The following DNAH12 variants were observed in gnomAD, a reference collection of about 807,000 sequenced individuals.
The protein encoded by DNAH12 is dynein axonemal heavy chain 12.
A neutral mutation model predicts 371.5 loss-of-function variants in DNAH12; 285 were observed. The ratio of observed to expected loss-of-function variants is 0.77; its 90% CI spans 0.70 to 0.85. DNAH12 has a LOEUF of 0.85. Among genes scored for constraint, DNAH12 ranks in the 40% least tolerant of loss-of-function variants. The pLI, the probability that DNAH12 is intolerant of heterozygous loss-of-function variation, is 0.00. For synonymous variants in DNAH12, 1,200 were observed against 1,213.0 expected (o/e 0.99, Z 0.22); for missense variants, 3,611 against 3,689.4 (o/e 0.98, Z 0.55).
At chr3:57,488,224 G>A (rs377497239) in intron 12 of DNAH12, among the ~76,000 whole-genome samples, 10 of 152,004 alleles carry the variant, frequency 6.6e-5, no homozygotes, top group South Asian at 6.2e-4. Flanking sequence ...ATGGAGTCTC[G>A]CACTGTAGCC....
intron 2 of DNAH12, among the ~76,000 whole-genome samples, chr3:57,535,531 T>C (rs990355101): frequency 6.6e-6 from 1 of 151,966 alleles, no homozygotes; most frequent in Non-Finnish European, 1.5e-5. Flanking sequence ...ATTTTTTTTA[T>C]ATTTTATTTT....
intron 69 of DNAH12, among the ~76,000 whole-genome samples, chr3:57,305,119 CAAGA>C (rs2061441283): frequency 6.6e-6 from 1 of 152,148 alleles, no homozygotes; most frequent in African/African-American, 2.4e-5. Context: ...TTCCATCCTA[CAAGA>C]TCTAAATAAT....
intron 11 of DNAH12, among the ~76,000 whole-genome samples, chr3:57,493,005 AAAACAAAC>A (rs36148553): frequency 2.0e-4 from 30 of 150,600 alleles, no homozygotes; most frequent in Admixed American, 8.0e-4. Context: ...ACTCCATCTC[AAAACAAAC>A]AAACAAACAA....
At chr3:57,381,109 A>C (rs2063380776) in intron 50 of DNAH12, among the ~76,000 whole-genome samples, 1 of 152,206 alleles carries the variant, frequency 6.6e-6, no homozygotes, top group Non-Finnish European at 1.5e-5. Flanking sequence ...AGGAGAAAGC[A>C]GAAGGCCAAA....
intron 45 of DNAH12, among the ~76,000 whole-genome samples, chr3:57,388,161 GC>G (rs1488860484): frequency 6.6e-6 from 1 of 152,118 alleles, no homozygotes; most frequent in African/African-American, 2.4e-5. Flanking sequence ...CTTTGGACGT[GC>G]TTTTCCCTCT....
chr3:57,330,197 G>C (rs1420716364), intron 62 of DNAH12, among the ~76,000 whole-genome samples: 1 of 151,738 alleles, frequency 6.6e-6, no homozygotes, highest in African/African-American at 2.4e-5. Context: ...ATTTGACCCA[G>C]CCATCCCATT....
intron 60 of DNAH12, among the ~76,000 whole-genome samples, chr3:57,348,336 AGTG>A (rs2062592820): frequency 6.6e-6 from 1 of 152,194 alleles, no homozygotes; most frequent in Non-Finnish European, 1.5e-5. Context: ...CAAAAGAATC[AGTG>A]ATTGGCAGGG....
chr3:57,487,351 GAGAGAAAGAA>G (rs1210453879), intron 12 of DNAH12, among the ~76,000 whole-genome samples: 3 of 108,738 alleles, frequency 2.8e-5, no homozygotes, highest in Non-Finnish European at 5.5e-5. Context: ...GGGAGAGAGA[GAGAGAAAGAA>G]AGAGAAAGAA....
intron 45 of DNAH12, among the ~76,000 whole-genome samples, chr3:57,390,422 A>ATATAT (rs1553674566): frequency 1.3e-4 from 4 of 29,948 alleles, no homozygotes; most frequent in African/African-American, 2.6e-4. Context: ...AAAAAAAAAA[A>ATATAT]AAATATATAT....
At chr3:57,418,365 C>CA (rs57508616) in intron 37 of DNAH12, among the ~76,000 whole-genome samples, 433 of 42,874 alleles carry the variant, frequency 0.01, 42 homozygotes, top group East Asian at 0.034. Context: ...CCTGTCTCTA[C>CA]AAAAAAAAAA....
intron 65 of DNAH12, among the ~76,000 whole-genome samples, chr3:57,316,232 A>C (rs2061683689): frequency 6.6e-6 from 1 of 150,840 alleles, no homozygotes; most frequent in African/African-American, 2.4e-5. Context: ...CAGTGAGGGT[A>C]TGCATTTTAG....
intron 12 of DNAH12, among the ~76,000 whole-genome samples, chr3:57,487,126 T>C (rs922062554): frequency 3.3e-5 from 5 of 151,976 alleles, no homozygotes; most frequent in Admixed American, 6.6e-5. Flanking sequence ...CAGTTAATTA[T>C]TGAATATCAG....
intron 58 of DNAH12, among the ~76,000 whole-genome samples, chr3:57,358,448 C>T (rs2062849064): frequency 1.3e-5 from 2 of 152,284 alleles, no homozygotes; most frequent in Admixed American, 6.5e-5. Flanking sequence ...TCCGTTCATC[C>T]TTGAGGTCTG....
chr3:57,360,167 T>C (rs1484442866), intron 58 of DNAH12, among the ~76,000 whole-genome samples: 5 of 152,158 alleles, frequency 3.3e-5, no homozygotes, highest in African/African-American at 4.8e-5. Flanking sequence ...TCTGCTCTGA[T>C]GGACGGGTAT....
At position 57,413,800 on chromosome 3, in the gene DNAH12, T is replaced by C. The variant is rs1575567633; in HGVS notation, c.5966A>G (p.Tyr1989Cys). 6 of 1,551,194 alleles carry C rather than the reference T, an allele frequency of 3.9e-6. No homozygotes were observed. Among genetic ancestry groups the C allele is most frequent in the Non-Finnish European group, 5.2e-6 (6 of 1,146,788 alleles). Reference protein sequence around the residue: ...DDMNMPALEKYGAQPPIELLR... With the variant: ...DDMNMPALEKCGAQPPIELLR... ...TAATTCAATAGGTGGTTGAGCTCCA[T>C]ACTTCTCCAATGCAGGCATATTCAT... Residue 1989 changes from tyrosine (Y) to cysteine (C), a missense_variant, in exon 39 of 74, where the codon TAT becomes TGT. Around this residue, in one of 3 missense-constraint regions of DNAH12, gnomAD observed 2,266 missense variants for 2,236.9 expected, o/e 1.01. Coordinates refer to ENST00000495027, the MANE Select transcript of DNAH12 (RefSeq NM_001366028.2).
intron 4 of DNAH12, among the ~76,000 whole-genome samples, chr3:57,518,669 G>C (rs914161137): frequency 6.6e-6 from 1 of 152,218 alleles, no homozygotes; most frequent in Non-Finnish European, 1.5e-5. Flanking sequence ...TGGGAACTAA[G>C]CATATGGGAG....
Position 57,504,027 on chromosome 3 carries a change from C to T in DNAH12, c.1075G>A (p.Glu359Lys), listed in dbSNP as rs2067656476. ...NVLSLVERIA[E>K]ALQNVQTIPS... ...TAAAGATGTAATACCTGCAGAGCTTCGGCTATTCGTTCCACCAAACTCAAG... is the reference window on the plus strand; with the variant it reads ...TAAAGATGTAATACCTGCAGAGCTTTGGCTATTCGTTCCACCAAACTCAAG... The change falls in exon 9 of 74, where the codon GAA becomes AAA. Residue 359 changes from glutamate to lysine, a missense_variant. Coordinates refer to ENST00000495027, the MANE Select transcript of DNAH12 (RefSeq NM_001366028.2). 3.7e-6 allele frequency: 6 copies of T among 1,612,454 alleles called. No homozygotes were observed. The East Asian group carries it at 6.7e-5, about 18-fold the overall frequency.
rs1029739118 is a variant in DNAH12 at position 57,386,621 on chromosome 3, A to G, written c.7440-18T>C. 2 of 152,228 alleles carry G rather than the reference A, an allele frequency of 1.3e-5. No homozygotes were observed. Among genetic ancestry groups the G allele is most frequent in the Non-Finnish European group, 2.9e-5 (2 of 68,032 alleles). 9.4% of individuals were successfully genotyped at this position (152,228 alleles called of 1,614,324 possible). Reference sequence around the variant, plus strand: ...GCAAGAACCTAAAAGAGAGGCAGGTAACATAGCTCACTTTAAGTAATGGAT... The same window carrying G: ...GCAAGAACCTAAAAGAGAGGCAGGTGACATAGCTCACTTTAAGTAATGGAT... On this transcript the variant is annotated intron_variant, in intron 46 of 73. Transcript: ENST00000495027.
intron 57 of DNAH12, among the ~76,000 whole-genome samples, chr3:57,365,605 G>A (rs1267644720): frequency 6.6e-6 from 1 of 151,870 alleles, no homozygotes; most frequent in Non-Finnish European, 1.5e-5. Context: ...ATGTATCCTG[G>A]AACTTAAAAT....
Sources: allele counts gnomAD v4.1 joint callset (sites outside exome capture counted in the v4.1 genomes callset), GRCh38; gene constraint gnomAD v4.1.1; regional missense constraint gnomAD v4.1.1; transcripts MANE v1.5; gene names NCBI Gene and HGNC (gene_info 2026-07-23, HGNC 2026-07-21).